Variants in PPARD observed in about 807,000 individuals in gnomAD.
PPARD encodes peroxisome proliferator-activated receptor delta.
Under a neutral mutation model 39.5 loss-of-function variants are expected in PPARD, and 6 were observed. The observed-to-expected ratio is 0.15, with a 90% CI of 0.08 to 0.30. PPARD has a LOEUF of 0.30. Ranked by LOEUF, PPARD falls within the 10% of genes least tolerant of loss-of-function variation. The pLI, the probability that PPARD is intolerant of heterozygous loss-of-function variation, is 1.00. For synonymous variants in PPARD, 210 were observed against 231.3 expected (o/e 0.91, Z 0.83); for missense variants, 397 against 596.8 (o/e 0.67, Z 3.49).
rs192009725 is a variant in PPARD at position 35,349,780 on chromosome 6, C to T, written c.-102+2630C>T. The stretch of plus-strand genomic sequence containing the variant: ...TTTTGAGATGGAATCTTGCTCTTGT[C>T]ACCCAGGCTGGAGAGCAATGGCACA... On this transcript the variant is annotated intron_variant, in intron 2 of 7. Coordinates refer to ENST00000360694, the MANE Select transcript of PPARD (RefSeq NM_006238.5). 1.8e-4 allele frequency among the ~76,000 whole-genome samples: 28 copies of T among 151,424 alleles called. 1 individual carries two copies. The East Asian group carries it at 5.0e-3, about 27-fold the overall frequency.
chr6:35,354,792 C>A (rs1562170117), intron 2 of PPARD, among the ~76,000 whole-genome samples: 1 of 152,116 alleles, frequency 6.6e-6, no homozygotes, highest in Non-Finnish European at 1.5e-5. Flanking sequence ...GCGTTTTTGA[C>A]TTGTGACGTT....
rs1766515274 is a variant in PPARD, at chr6:35,425,552, C to T, written c.1079-280C>T. On this transcript the variant is annotated intron_variant, in intron 7 of 7. Transcript: ENST00000360694. The surrounding 1 kb of genome is among the most constrained non-coding windows in gnomAD (Gnocchi z 4.5). The stretch of plus-strand genomic sequence containing the variant: ...AATGACCTGCCTATAGCCTCACAGG[C>T]AGACACAGGATTTGAATTAAGCATT... Among the ~76,000 whole-genome samples, 1 of 151,826 alleles carries T rather than the reference C, an allele frequency of 6.6e-6. No individual in the cohort carries two copies. Among genetic ancestry groups the T allele is most frequent in the Middle Eastern group, 3.2e-3 (1 of 316 alleles).
intron 2 of PPARD, chr6:35,348,550 C>T (rs1761027385): frequency 1.0e-6 from 1 of 985,300 alleles, no homozygotes; most frequent in Non-Finnish European, 1.2e-6. Context: ...AAACGTGGGC[C>T]TCCTGCCTGA....
intron 2 of PPARD, among the ~76,000 whole-genome samples, chr6:35,361,271 T>C (rs1761912217): frequency 6.6e-6 from 1 of 152,184 alleles, no homozygotes; most frequent in Admixed American, 6.5e-5. Context: ...ACTCACTGAA[T>C]GATGATTGTT....
At chr6:35,406,051 G>A (rs1318082381) in intron 2 of PPARD, among the ~76,000 whole-genome samples, 3 of 151,870 alleles carry the variant, frequency 2.0e-5, no homozygotes, top group Admixed American at 6.6e-5. Context: ...CTCAGCCTCC[G>A]AGTAGCTGGG....
rs976905251 is a variant in PPARD at position 35,383,326 on chromosome 6, T to C, written c.-101-27661T>C. On this transcript the variant is annotated intron_variant, in intron 2 of 7. Coordinates refer to ENST00000360694, the MANE Select transcript of PPARD (RefSeq NM_006238.5). Reference sequence around the variant, plus strand: ...GCAAACAAATGGGTAACTTGCGCACTCAGTGCTCGGTGGTGCCCAGGCTGG... The same window carrying C: ...GCAAACAAATGGGTAACTTGCGCACCCAGTGCTCGGTGGTGCCCAGGCTGG... Among the ~76,000 whole-genome samples the C allele has an allele frequency of 2.6e-5, 4 of 152,164 alleles. No homozygotes were observed. The East Asian group carries it at 5.8e-4, about 22-fold the overall frequency.
At chr6:35,359,506 C>T (rs775123429) in intron 2 of PPARD, among the ~76,000 whole-genome samples, 2 of 152,066 alleles carry the variant, frequency 1.3e-5, no homozygotes, top group African/African-American at 2.4e-5. Flanking sequence ...CCATTCACCG[C>T]GTAGTTCTGG....
chr6:35,346,617 C>T (rs1792200479), intron 1 of PPARD, among the ~76,000 whole-genome samples: 1 of 152,230 alleles, frequency 6.6e-6, no homozygotes, highest in East Asian at 1.9e-4. Flanking sequence ...AGAACATGGC[C>T]CCTTGCATCA....
In PPARD at chr6:35,363,511, C is replaced by T. The variant is rs1013614887; in HGVS notation, c.-102+16361C>T. On this transcript the variant is annotated intron_variant, in intron 2 of 7. Transcript: ENST00000360694. The surrounding 1 kb of genome is among the most constrained non-coding windows in gnomAD (Gnocchi z 4.5). Reference sequence around the variant, plus strand: ...TGTAACTACAGCCCTGGCCATTGGACGGCTCATCTGGGGTGACTTCTGGGG... The same window carrying T: ...TGTAACTACAGCCCTGGCCATTGGATGGCTCATCTGGGGTGACTTCTGGGG... Among the ~76,000 whole-genome samples the T allele has an allele frequency of 3.3e-5, 5 of 152,232 alleles. No individual in the cohort carries two copies. Among genetic ancestry groups the T allele is most frequent in the African/African-American group, 4.8e-5 (2 of 41,462 alleles).
Position 35,403,302 on chromosome 6 carries a change from T to C in PPARD, c.-101-7685T>C, listed in dbSNP as rs9658120. Among the ~76,000 whole-genome samples, 13 of 152,302 alleles carry C rather than the reference T, an allele frequency of 8.5e-5. No individual in the cohort carries two copies. In the South Asian group the frequency reaches 2.5e-3, roughly 29 times the overall value. On this transcript the variant is annotated intron_variant, in intron 2 of 7. Coordinates refer to ENST00000360694, the MANE Select transcript of PPARD (RefSeq NM_006238.5). The stretch of plus-strand genomic sequence containing the variant: ...CTATCTACCTGGCACTGTTAAGCAG[T>C]TACTGCATCGTTATTTATTCCACAC...
At chr6:35,387,564 C>T (rs1309400668) in intron 2 of PPARD, among the ~76,000 whole-genome samples, 3 of 151,712 alleles carry the variant, frequency 2.0e-5, no homozygotes, top group South Asian at 2.1e-4. Flanking sequence ...TTTCCATGCA[C>T]GCTCTCATGT....
chr6:35,378,943 A>G (rs1762971291), intron 2 of PPARD, among the ~76,000 whole-genome samples: 1 of 152,154 alleles, frequency 6.6e-6, no homozygotes, highest in Non-Finnish European at 1.5e-5. Context: ...TCGAACCTTT[A>G]AAGATCCCCA....
In PPARD at chr6:35,368,563, G is replaced by A. The variant is rs376924059; in HGVS notation, c.-102+21413G>A. 1.3e-5 allele frequency among the ~76,000 whole-genome samples: 2 copies of A among 152,148 alleles called. 1 individual carries two copies. Among genetic ancestry groups the A allele is most frequent in the African/African-American group, 4.8e-5 (2 of 41,424 alleles). ...CCTTTAAAGCTCCCCATTGATTTGG[G>A]AGTACAGCCTGGTTGGGAAACCAAT... is the stretch of plus-strand genomic sequence containing the variant. On this transcript the variant is annotated intron_variant, in intron 2 of 7. Coordinates refer to ENST00000360694, the MANE Select transcript of PPARD (RefSeq NM_006238.5).
At chr6:35,395,116 G>A (rs1764242261) in intron 2 of PPARD, among the ~76,000 whole-genome samples, 1 of 152,206 alleles carries the variant, frequency 6.6e-6, no homozygotes, top group Admixed American at 6.5e-5. Flanking sequence ...CCAGGCATTG[G>A]ATTTCAGATG....
intron 5 of PPARD, 149 bp from the exon 6 acceptor site, chr6:35,423,797 A>G (rs1766377330): frequency 3.1e-6 from 2 of 653,992 alleles, no homozygotes; most frequent in Non-Finnish European, 5.2e-6. Context: ...TGGAGGGGCC[A>G]CCCCATCATT....
At chr6:35,365,976 TCAGGGTGAGTGAG>T (rs995536001) in intron 2 of PPARD, among the ~76,000 whole-genome samples, 4 of 151,620 alleles carry the variant, frequency 2.6e-5, no homozygotes, top group African/African-American at 9.8e-5. Flanking sequence ...TAAGAAAGGC[TCAGGGTGAGTGAG>T]CGCTGGTATC....
chr6:35,360,160 C>T (rs1388911720), intron 2 of PPARD, among the ~76,000 whole-genome samples: 1 of 152,124 alleles, frequency 6.6e-6, no homozygotes, highest in East Asian at 1.9e-4. Flanking sequence ...CTCCCTGGAT[C>T]TGCTCCAAGA....
At position 35,408,453 on chromosome 6, in the gene PPARD, C is replaced by CA. The variant is rs1175099650; in HGVS notation, c.-101-2533dup. Reference sequence around the variant, plus strand: ...CACTTGGAGAAAGCCACGGGGTGAGCAGGACAGCACCTGTGAACATTTCCT... The same window carrying CA: ...CACTTGGAGAAAGCCACGGGGTGAGCAAGGACAGCACCTGTGAACATTTCCT... On this transcript the variant is annotated intron_variant, in intron 2 of 7. Coordinates refer to ENST00000360694, the MANE Select transcript of PPARD (RefSeq NM_006238.5). 7.2e-5 allele frequency among the ~76,000 whole-genome samples: 11 copies of CA among 152,296 alleles called. 1 individual carries two copies. Among genetic ancestry groups the CA allele is most frequent in the Non-Finnish European group, 2.9e-5 (2 of 68,030 alleles).
chr6:35,419,428 G>A (rs1175515735), intron 3 of PPARD, among the ~76,000 whole-genome samples: 3 of 152,096 alleles, frequency 2.0e-5, no homozygotes, highest in Admixed American at 6.6e-5. Context: ...TGCCTTTCTC[G>A]CCAACACACT....
Sources: gnomAD v4.1 joint callset for allele counts (sites outside exome capture counted in the v4.1 genomes callset) on GRCh38, gnomAD v4.1.1 for gene constraint, Gnocchi (gnomAD v3.1) non-coding constraint, MANE v1.5 for transcripts, NCBI Gene and HGNC (gene_info 2026-07-23, HGNC 2026-07-21) for gene names.